GRID2: variants seen among roughly 807,000 people sequenced by gnomAD.
GRID2 encodes the protein glutamate ionotropic receptor delta type subunit 2, also known as glutamate receptor ionotropic, delta-2.
Under a neutral mutation model 114.8 loss-of-function variants are expected in GRID2, and 33 were observed. That is an observed-to-expected ratio of 0.29 (90% CI 0.22 to 0.38). GRID2 has a LOEUF of 0.38. Ranked by LOEUF, GRID2 falls within the 10% of genes least tolerant of loss-of-function variation. The pLI, the probability that GRID2 is intolerant of heterozygous loss-of-function variation, is 1.00. For missense variants in GRID2, 1,184 were observed against 1,257.7 expected (o/e 0.94, Z 0.89); for synonymous variants, 505 against 449.9 (o/e 1.12, Z -1.55).
chr4:93,421,456 T>C (rs1046545479), intron 9 of GRID2, among the ~76,000 whole-genome samples: 5 of 152,182 alleles, frequency 3.3e-5, no homozygotes, highest in Non-Finnish European at 7.3e-5. Flanking sequence ...AACTAAAATA[T>C]GTTTTCAAAA....
At chr4:93,343,774 T>A (rs113441458) in intron 8 of GRID2, among the ~76,000 whole-genome samples, 3 of 152,118 alleles carry the variant, frequency 2.0e-5, no homozygotes, top group African/African-American at 7.2e-5. Flanking sequence ...AGGATGCTGA[T>A]CTCTGACCTG....
Position 93,112,746 on chromosome 4 carries a change from A to G in GRID2, c.735+1793A>G, listed in dbSNP as rs372776873. ...GAAATCTAAAATCAAGATGTTGGCA[A>G]GGTTGATTCCTTCTGAGGGGTGTGA... is the stretch of plus-strand genomic sequence containing the variant. On this transcript the variant is annotated intron_variant, in intron 4 of 15. Coordinates refer to ENST00000282020, the MANE Select transcript of GRID2 (RefSeq NM_001510.4). Among the ~76,000 whole-genome samples the G allele has an allele frequency of 1.0e-3, 158 of 152,298 alleles. 2 individuals are homozygous for G. In the South Asian group the frequency reaches 0.03, roughly 29 times the overall value.
intron 2 of GRID2, among the ~76,000 whole-genome samples, chr4:92,810,988 G>A (rs954835087): frequency 6.6e-6 from 1 of 151,958 alleles, no homozygotes; most frequent in African/African-American, 2.4e-5. Flanking sequence ...TCACCATGTT[G>A]GCCAGGTTGG....
chr4:92,527,086 T>G (rs1328278405), intron 1 of GRID2, among the ~76,000 whole-genome samples: 1 of 151,898 alleles, frequency 6.6e-6, no homozygotes, highest in African/African-American at 2.4e-5. Context: ...AAACTCACAA[T>G]GTTAGTAAGG....
intron 2 of GRID2, among the ~76,000 whole-genome samples, chr4:92,798,039 G>T (rs1739975762): frequency 6.6e-6 from 1 of 151,884 alleles, no homozygotes; most frequent in Admixed American, 6.6e-5. Flanking sequence ...ATCAAACAAA[G>T]ATAACATAGT....
intron 10 of GRID2, among the ~76,000 whole-genome samples, chr4:93,446,877 T>A (rs1187365327): frequency 6.6e-6 from 1 of 151,318 alleles, no homozygotes; most frequent in Non-Finnish European, 1.5e-5. Context: ...ATATAAATAG[T>A]ACAATTAATA....
intron 2 of GRID2, among the ~76,000 whole-genome samples, chr4:92,748,192 A>G (rs1487565082): frequency 6.6e-6 from 1 of 151,976 alleles, no homozygotes; most frequent in Non-Finnish European, 1.5e-5. Context: ...TTCCCATCTC[A>G]ATATTTAAGG....
intron 2 of GRID2, among the ~76,000 whole-genome samples, chr4:92,641,293 T>C (rs1560505323): frequency 6.6e-6 from 1 of 151,354 alleles, no homozygotes; most frequent in East Asian, 2.0e-4. Flanking sequence ...TTTGTTACTT[T>C]ATTAAATTTA....
At chr4:93,392,948 T>G (rs1764993728) in intron 8 of GRID2, among the ~76,000 whole-genome samples, 1 of 152,026 alleles carries the variant, frequency 6.6e-6, no homozygotes, top group Non-Finnish European at 1.5e-5. Context: ...TCTCATATGG[T>G]CATTGTGAAG....
rs751758911 is a variant in GRID2 at position 93,314,045 on chromosome 4, C to T, written c.1245+75555C>T. Among the ~76,000 whole-genome samples the T allele has an allele frequency of 8.4e-4, 128 of 152,238 alleles. 1 individual carries two copies. Among genetic ancestry groups the T allele is most frequent in the African/African-American group, 2.0e-3 (84 of 41,562 alleles). On this transcript the variant is annotated intron_variant, in intron 8 of 15. Transcript: ENST00000282020. ...ATTGGCCAGGCACAATGGCTCACGC[C>T]TGTAATCCCAGCAATTTGGGAGGCC...
intron 4 of GRID2, among the ~76,000 whole-genome samples, chr4:93,174,862 T>C (rs1739198918): frequency 6.6e-6 from 1 of 152,110 alleles, no homozygotes; most frequent in South Asian, 2.1e-4. Flanking sequence ...GTTTAAAATG[T>C]TTATTTAACC....
chr4:93,694,647 G>T (rs187514874), intron 14 of GRID2, among the ~76,000 whole-genome samples: 1 of 152,200 alleles, frequency 6.6e-6, no homozygotes, highest in African/African-American at 2.4e-5. Context: ...AAAGTTCATG[G>T]TTGTATTATG....
rs147901119 is a variant in GRID2 at position 93,519,223 on chromosome 4, C to T, written c.2193+3812C>T. ...AGGAGAGTTTTGAACTGAAGAGCAA[C>T]ATGATAACATATTTTGGCAAATCAT... is the stretch of plus-strand genomic sequence containing the variant. On this transcript the variant is annotated intron_variant, in intron 13 of 15. Coordinates refer to ENST00000282020, the MANE Select transcript of GRID2 (RefSeq NM_001510.4). Among the ~76,000 whole-genome samples, 952 of 152,124 alleles carry T rather than the reference C, an allele frequency of 6.3e-3. 7 individuals are homozygous for T. The highest frequency in any genetic ancestry group is 0.011 in the South Asian group (55 of 4,814).
intron 2 of GRID2, among the ~76,000 whole-genome samples, chr4:92,865,838 CTT>C (rs1338544239): frequency 2.0e-5 from 3 of 152,270 alleles, no homozygotes; most frequent in Admixed American, 6.5e-5. Flanking sequence ...CAAAAATACT[CTT>C]GTTTGAAAAT....
intron 13 of GRID2, among the ~76,000 whole-genome samples, chr4:93,606,676 T>C (rs1042234623): frequency 2.0e-5 from 3 of 152,198 alleles, no homozygotes; most frequent in Admixed American, 2.0e-4. Flanking sequence ...TCTTCTTCCA[T>C]TATAATTTTA....
chr4:93,082,272 C>T (rs1225252042), intron 2 of GRID2, among the ~76,000 whole-genome samples: 1 of 152,180 alleles, frequency 6.6e-6, no homozygotes, highest in African/African-American at 2.4e-5. Flanking sequence ...GAGCTTTCCC[C>T]TATTTAGAGC....
At chr4:93,330,680 C>T (rs1009024175) in intron 8 of GRID2, among the ~76,000 whole-genome samples, 2 of 152,128 alleles carry the variant, frequency 1.3e-5, no homozygotes, top group African/African-American at 4.8e-5. Context: ...TGCACTTTGT[C>T]TTCCATATAT....
chr4:92,309,420 T>A (rs1725584193), intron 1 of GRID2, among the ~76,000 whole-genome samples: 1 of 151,942 alleles, frequency 6.6e-6, no homozygotes, highest in African/African-American at 2.4e-5. Flanking sequence ...TGAGTAGCAA[T>A]ACTTAGAATG....
intron 2 of GRID2, among the ~76,000 whole-genome samples, chr4:92,917,111 T>G (rs945432565): frequency 6.6e-6 from 1 of 152,110 alleles, no homozygotes; most frequent in Admixed American, 6.6e-5. Flanking sequence ...CTCTGACCAG[T>G]GATGATGAGC....
Sources: allele counts gnomAD v4.1 joint callset (sites outside exome capture counted in the v4.1 genomes callset), GRCh38; gene constraint gnomAD v4.1.1; transcripts MANE v1.5; gene names NCBI Gene and HGNC (gene_info 2026-07-23, HGNC 2026-07-21).